The following KIAA0825 variants were observed in gnomAD, a reference collection of about 807,000 sequenced individuals.
KIAA0825 encodes the protein uncharacterized protein KIAA0825.
In KIAA0825, 119 loss-of-function variants were observed where a neutral mutation model predicts 147.6. That is an observed-to-expected ratio of 0.81 (90% CI 0.69 to 0.94). The LOEUF (loss-of-function observed/expected upper bound fraction) is 0.94. Ranked by LOEUF, KIAA0825 falls within the 40% of genes least tolerant of loss-of-function variation. The probability of loss-of-function intolerance (pLI) is 0.00; values close to 1 mark genes in which losing one functional copy is unlikely to be tolerated. For synonymous variants in KIAA0825, 470 were observed against 518.1 expected (o/e 0.91, Z 1.26); for missense variants, 1,381 against 1,472.7 (o/e 0.94, Z 1.02).
intron 12 of KIAA0825, among the ~76,000 whole-genome samples, chr5:94,460,955 C>A (rs1759742522): frequency 6.6e-6 from 1 of 151,896 alleles, no homozygotes; most frequent in Admixed American, 6.6e-5. Flanking sequence ...CTATGTTTTA[C>A]ATTAAGAAAA....
At chr5:94,614,739 G>A (rs1789939499) in intron 1 of KIAA0825, among the ~76,000 whole-genome samples, 1 of 151,498 alleles carries the variant, frequency 6.6e-6, no homozygotes, top group South Asian at 2.1e-4. Flanking sequence ...GCATTCCCAT[G>A]TTTTGTGTTC....
intron 20 of KIAA0825, among the ~76,000 whole-genome samples, chr5:94,285,216 G>A (rs1291657801): frequency 1.3e-5 from 2 of 152,058 alleles, no homozygotes; most frequent in Admixed American, 6.6e-5. Flanking sequence ...AGGTATTAAA[G>A]GCAAGTAAGT....
intron 3 of KIAA0825, among the ~76,000 whole-genome samples, chr5:94,529,267 ATATG>A (rs536733688): frequency 3.7e-4 from 48 of 131,404 alleles, no homozygotes; most frequent in African/African-American, 1.1e-3. Flanking sequence ...TATATCATAT[ATATG>A]TATGTATCAT....
intron 20 of KIAA0825, among the ~76,000 whole-genome samples, chr5:94,201,527 C>A (rs1771689605): frequency 6.6e-6 from 1 of 151,988 alleles, no homozygotes; most frequent in Admixed American, 6.6e-5. Flanking sequence ...CCTGCCTCAG[C>A]CTTCTGAGTA....
chr5:94,220,362 AT>A lies in KIAA0825; in HGVS notation c.3711-66239del, dbSNP rs544030847. Among the ~76,000 whole-genome samples the A allele has an allele frequency of 3.9e-4, 59 of 149,848 alleles. 1 individual carries two copies. The highest frequency in any genetic ancestry group is 2.3e-3 in the South Asian group (11 of 4,732). ...CACCTAAGGCTGTTTTACAGTTAAC[AT>A]TTTTTTTTTAATAAGTAGGAGTACA... On this transcript the variant is annotated intron_variant, in intron 20 of 20. Coordinates refer to ENST00000682413, the MANE Select transcript of KIAA0825 (RefSeq NM_001145678.3).
At chr5:94,229,554 A>G (rs966139742) in intron 20 of KIAA0825, among the ~76,000 whole-genome samples, 1 of 136,494 alleles carries the variant, frequency 7.3e-6, no homozygotes, top group Admixed American at 7.2e-5. Context: ...TTCTGACAAT[A>G]TTTTCTGTTC....
In KIAA0825 at chr5:94,454,224, G is replaced by A. The variant is rs140508431; in HGVS notation, c.2247-1155C>T. ...TACACAGAGTTAAGAGTAATGACTG[G>A]GAATACTTTAGAAATGGAATTTTTG... On this transcript the variant is annotated intron_variant, in intron 12 of 20. Coordinates refer to ENST00000682413, the MANE Select transcript of KIAA0825 (RefSeq NM_001145678.3). Among the ~76,000 whole-genome samples, 36 of 152,194 alleles carry A rather than the reference G, an allele frequency of 2.4e-4. No homozygotes were observed. The East Asian group carries it at 5.2e-3, about 22-fold the overall frequency.
chr5:94,560,686 G>A (rs1488281741), intron 2 of KIAA0825, among the ~76,000 whole-genome samples: 3 of 152,168 alleles, frequency 2.0e-5, no homozygotes, highest in South Asian at 2.1e-4. Context: ...CTTTTTCTCC[G>A]TAAGATCTTA....
chr5:94,493,915 T>G (rs983949905), intron 5 of KIAA0825, among the ~76,000 whole-genome samples: 1 of 152,148 alleles, frequency 6.6e-6, no homozygotes, highest in Non-Finnish European at 1.5e-5. Flanking sequence ...CCCCTGGGTT[T>G]GAAATATTTC....
chr5:94,288,129 T>C (rs979545193), intron 20 of KIAA0825, among the ~76,000 whole-genome samples: 2 of 152,132 alleles, frequency 1.3e-5, no homozygotes, highest in African/African-American at 4.8e-5. Flanking sequence ...CCCAAAGTTT[T>C]TGAGAGGAGG....
chr5:94,334,551 C>G (rs563181220), intron 20 of KIAA0825, among the ~76,000 whole-genome samples: 3 of 152,196 alleles, frequency 2.0e-5, no homozygotes, highest in Admixed American at 2.0e-4. Flanking sequence ...GGTGCAATCT[C>G]GGCTCACTGC....
rs900203911 is a variant in KIAA0825 at position 94,581,121 on chromosome 5, G to GA, written c.-2+1311dup. ...ATGAAATTAAACCTGTGCTTTTAGT[G>GA]AAAAAAAAATCAATAGTGAAACATG... is the stretch of plus-strand genomic sequence containing the variant. On this transcript the variant is annotated intron_variant, in intron 2 of 20. Coordinates refer to ENST00000682413, the MANE Select transcript of KIAA0825 (RefSeq NM_001145678.3). Among the ~76,000 whole-genome samples the GA allele has an allele frequency of 4.0e-4, 60 of 150,348 alleles. No homozygotes were observed. In the South Asian group the frequency reaches 0.011, roughly 27 times the overall value.
In KIAA0825 at chr5:94,538,766, C is replaced by T. The variant is rs547896500; in HGVS notation, c.-1-1639G>A. ...TTGTTTTATCCAAAAGGTCCTATAACGCCAGAGCAGGAATGTTGATTCAGA... is the reference window on the plus strand; with the variant it reads ...TTGTTTTATCCAAAAGGTCCTATAATGCCAGAGCAGGAATGTTGATTCAGA... On this transcript the variant is annotated intron_variant, in intron 2 of 20. Transcript: ENST00000682413. Among the ~76,000 whole-genome samples, 20 of 152,320 alleles carry T rather than the reference C, an allele frequency of 1.3e-4. No homozygotes were observed. The South Asian group carries it at 2.1e-3, about 16-fold the overall frequency.
intron 2 of KIAA0825, among the ~76,000 whole-genome samples, chr5:94,562,870 G>A (rs529287191): frequency 1.3e-5 from 2 of 152,118 alleles, no homozygotes; most frequent in East Asian, 3.9e-4. Context: ...TAGACTGCAG[G>A]GGAGAAACTA....
intron 20 of KIAA0825, among the ~76,000 whole-genome samples, chr5:94,225,265 AAAG>A (rs1333998231): frequency 2.0e-5 from 3 of 152,240 alleles, no homozygotes; most frequent in Non-Finnish European, 4.4e-5. Flanking sequence ...AAGAGTAAAA[AAAG>A]AATTATTAAA....
chr5:94,324,868 T>C (rs1320073928), intron 20 of KIAA0825, among the ~76,000 whole-genome samples: 1 of 151,730 alleles, frequency 6.6e-6, no homozygotes, highest in Non-Finnish European at 1.5e-5. Flanking sequence ...TTAGGTAATT[T>C]CTGGTTTAAA....
At chr5:94,583,377 C>T (rs1036730897) in intron 1 of KIAA0825, among the ~76,000 whole-genome samples, 5 of 152,190 alleles carry the variant, frequency 3.3e-5, no homozygotes, top group African/African-American at 1.2e-4. Context: ...TTGGTGGGCC[C>T]CACACCCATG....
chr5:94,424,223 A>G (rs1341156839), intron 14 of KIAA0825, among the ~76,000 whole-genome samples: 2 of 152,130 alleles, frequency 1.3e-5, no homozygotes, highest in Non-Finnish European at 2.9e-5. Flanking sequence ...TAAAACTTAT[A>G]TTAAATATAC....
chr5:94,174,144 A>G (rs1393651827), intron 20 of KIAA0825, among the ~76,000 whole-genome samples: 2 of 152,204 alleles, frequency 1.3e-5, no homozygotes, highest in Non-Finnish European at 2.9e-5. Context: ...TGAAGTTTTA[A>G]TAGTTTATCA....
Sources: allele counts gnomAD v4.1 joint callset (sites outside exome capture counted in the v4.1 genomes callset), GRCh38; gene constraint gnomAD v4.1.1; transcripts MANE v1.5; gene names NCBI Gene and HGNC (gene_info 2026-07-23, HGNC 2026-07-21).